The following ANKFY1 variants were observed in gnomAD, a reference collection of about 807,000 sequenced individuals.
The protein encoded by ANKFY1 is ankyrin repeat and FYVE domain-containing protein 1.
ANKFY1 carries 47 observed loss-of-function variants against 128.3 expected under a neutral mutation model. That is an observed-to-expected ratio of 0.37 (90% CI 0.29 to 0.47). The LOEUF (loss-of-function observed/expected upper bound fraction) is 0.47, where lower values mean the gene tolerates loss of function less well. Among genes scored for constraint, ANKFY1 ranks in the 20% least tolerant of loss-of-function variants. The pLI is 1.00. For missense variants in ANKFY1, 1,222 were observed against 1,510.6 expected (o/e 0.81, Z 3.17); for synonymous variants, 553 against 601.6 (o/e 0.92, Z 1.18).
rs984470690 is a variant in ANKFY1, at chr17:4,166,228, C to T, written c.*1551G>A. The T allele has an allele frequency of 2.0e-5, 3 of 152,004 alleles. No homozygotes were observed. Among genetic ancestry groups the T allele is most frequent in the Admixed American group, 1.3e-4 (2 of 15,260 alleles). The allele number at this position is 152,004 out of a possible 1,614,324, so 9.4% of individuals were successfully genotyped here. ...TAGGCAACAGAATGTATAAATCTAC[C>T]GCAATACAGAGGACACACTATCCAG... On this transcript the variant is annotated 3_prime_UTR_variant, in exon 25 of 25. Coordinates refer to ENST00000341657, the MANE Select transcript of ANKFY1 (RefSeq NM_001330063.2).
chr17:4,187,142 C>A, intron 11 of ANKFY1: 1 of 628,800 alleles, frequency 1.6e-6, no homozygotes, highest in Non-Finnish European at 2.3e-6. Flanking sequence ...CTTTTATCCC[C>A]CACCGCCCTC....
At chr17:4,221,584 ACT>A (rs1467858007) in intron 3 of ANKFY1, among the ~76,000 whole-genome samples, 2 of 151,818 alleles carry the variant, frequency 1.3e-5, no homozygotes, top group Non-Finnish European at 1.5e-5. Flanking sequence ...TCCTATTATG[ACT>A]CTGGTTTAAT....
chr17:4,203,672 G>A (rs1470592517), intron 7 of ANKFY1, among the ~76,000 whole-genome samples: 11 of 151,328 alleles, frequency 7.3e-5, no homozygotes, highest in South Asian at 2.1e-4. Flanking sequence ...AAAATTAGCC[G>A]GGCGTGGTGG....
chr17:4,194,846 TA>T, intron 10 of ANKFY1, 131 bp downstream of exon 10: 1 of 855,730 alleles, frequency 1.2e-6, no homozygotes, highest in Non-Finnish European at 1.8e-6. Flanking sequence ...TTACTGTATA[TA>T]AAATTAAGTA....
rs1470412127 is a variant in ANKFY1, at chr17:4,173,432, G to C, written c.2936C>G (p.Ala979Gly). The C allele has an allele frequency of 1.9e-6, 3 of 1,614,132 alleles. No individual in the cohort carries two copies. Among genetic ancestry groups the C allele is most frequent in the Non-Finnish European group, 2.5e-6 (3 of 1,179,952 alleles). ...GTTGTTGAGCCGGCCGTGCATGACAGCAAGATGAAGAGCTGGGAAGTAAAT... is the reference window on the plus strand; with the variant it reads ...GTTGTTGAGCCGGCCGTGCATGACACCAAGATGAAGAGCTGGGAAGTAAAT... ...DENGNNALHL[A>G]VMHGRLNNIR... The change falls in exon 21 of 25, where the codon GCT becomes GGT. Residue 979 changes from alanine (A) to glycine (G), a missense_variant. Coordinates refer to ENST00000341657, the MANE Select transcript of ANKFY1 (RefSeq NM_001330063.2).
At chr17:4,183,996 G>T (rs2059564952) in intron 12 of ANKFY1, 86 bp from the exon 13 acceptor site, 2 of 1,122,114 alleles carry the variant, frequency 1.8e-6, no homozygotes, top group African/African-American at 3.0e-5. Context: ...AACTCAAACT[G>T]CCTGTTGGGT....
chr17:4,254,883 A>G (rs141797991), intron 1 of ANKFY1, among the ~76,000 whole-genome samples: 1 of 152,298 alleles, frequency 6.6e-6, no homozygotes, highest in African/African-American at 2.4e-5. Context: ...ATATTGAAAA[A>G]GTAATATACT....
chr17:4,238,152 T>TAAAAAAAAAAA (rs55944256), intron 2 of ANKFY1, among the ~76,000 whole-genome samples: 1 of 92,668 alleles, frequency 1.1e-5, no homozygotes, highest in Non-Finnish European at 2.1e-5. Flanking sequence ...CTTATTTATT[T>TAAAAAAAAAAA]AAAAAAAAAA....
rs2059226131 is a variant in ANKFY1, at chr17:4,167,209, T to G, written c.*570A>C. The G allele has an allele frequency of 1.3e-5, 2 of 152,666 alleles. No homozygotes were observed. Among genetic ancestry groups the G allele is most frequent in the African/African-American group, 2.4e-5 (1 of 41,456 alleles). The allele number at this position is 152,666 out of a possible 1,614,324, so 9.5% of individuals were successfully genotyped here. On this transcript the variant is annotated 3_prime_UTR_variant, in exon 25 of 25. Transcript: ENST00000341657. This position sits in a 1 kb window ranked among gnomAD's most constrained non-coding sequence, Gnocchi z 4.1. ...TCTTTGAACCCTGTTAAGAAAGATT[T>G]CACCTTTTTAAAAGGGGTAGCTCAC...
intron 10 of ANKFY1, 46 bp downstream of exon 10, chr17:4,194,932 C>T (rs747170363): frequency 7.9e-5 from 126 of 1,598,068 alleles, no homozygotes; most frequent in Non-Finnish European, 9.4e-5. Context: ...CATTTCCTGG[C>T]GCCTGCAGAC....
chr17:4,197,441 C>G lies in ANKFY1; in HGVS notation c.1035G>C (p.Glu345Asp). The G allele has an allele frequency of 1.2e-6, 2 of 1,614,222 alleles. No individual in the cohort carries two copies. Among genetic ancestry groups the G allele is most frequent in the Non-Finnish European group, 8.5e-7 (1 of 1,180,052 alleles). Reference sequence around the variant, plus strand: ...GAAGGGCCTCTGCAATCTGCGCCATCTCAGACATCACATCTGCTGAGTGTT... The same window carrying G: ...GAAGGGCCTCTGCAATCTGCGCCATGTCAGACATCACATCTGCTGAGTGTT... ...SKKHSADVMS[E>D]MAQIAEALLQ... is the part of the protein sequence containing the mutation. Residue 345 changes from glutamate to aspartate, a missense_variant, in exon 8 of 25, where the codon GAG (glutamate) becomes GAC (aspartate). Physicochemically the swap from Glu to Asp is conservative, Grantham distance 45 (BLOSUM62 2). Coordinates refer to ENST00000341657, the MANE Select transcript of ANKFY1 (RefSeq NM_001330063.2).
chr17:4,173,936 C>T lies in ANKFY1; in HGVS notation c.2896G>A (p.Ala966Thr). The T allele has an allele frequency of 6.2e-7, 1 of 1,613,648 alleles. No homozygotes were observed. Among genetic ancestry groups the T allele is most frequent in the Non-Finnish European group, 8.5e-7 (1 of 1,179,654 alleles). ...SVLLENGVDF[A>T]AVDENGNNAL... Reference sequence around the variant, plus strand: ...TTGTTTCCATTCTCATCCACGGCAGCAAAGTCCACGCCATTCTCTAGGAGG... The same window carrying T: ...TTGTTTCCATTCTCATCCACGGCAGTAAAGTCCACGCCATTCTCTAGGAGG... Residue 966 changes from alanine to threonine, a missense_variant, in exon 20 of 25, where the codon GCT becomes ACT. Coordinates refer to ENST00000341657, the MANE Select transcript of ANKFY1 (RefSeq NM_001330063.2).
intron 6 of ANKFY1, among the ~76,000 whole-genome samples, chr17:4,207,178 A>G (rs1239402523): frequency 6.7e-6 from 1 of 150,196 alleles, no homozygotes; most frequent in African/African-American, 2.4e-5. Context: ...AGAGGGCCCG[A>G]TCTATCTAAC....
At chr17:4,188,640 C>T (rs967653796) in intron 11 of ANKFY1, 1 of 152,156 alleles carries the variant, frequency 6.6e-6, no homozygotes, top group Admixed American at 6.5e-5. Flanking sequence ...CAAGCACATC[C>T]TCATGGTCTG....
Position 4,204,702 on chromosome 17 carries a change from A to AT in ANKFY1, c.898+1618dup, listed in dbSNP as rs113259765. Among the ~76,000 whole-genome samples, 927 of 147,664 alleles carry AT rather than the reference A, an allele frequency of 6.3e-3. 3 individuals carry two copies. Among genetic ancestry groups the AT allele is most frequent in the South Asian group, 8.5e-3 (40 of 4,682 alleles). ...GGGAGGAAAGAAACAAAATTCTCAG[A>AT]TTTTTTTTTTTTAGTAACAGGGTAT... On this transcript the variant is annotated intron_variant, in intron 7 of 24. Transcript: ENST00000341657.
intron 1 of ANKFY1, chr17:4,249,214 T>C: frequency 1.5e-6 from 1 of 675,670 alleles, no homozygotes. Flanking sequence ...TTTTAGGCTT[T>C]GGGAGCCATA....
intron 17 of ANKFY1, 48 bp downstream of exon 17, chr17:4,179,673 C>G (rs767865729): frequency 6.2e-7 from 1 of 1,600,038 alleles, no homozygotes; most frequent in South Asian, 1.1e-5. Flanking sequence ...GGAGGCTTCC[C>G]TCATGCTGGG....
Position 4,172,581 on chromosome 17 carries a change from G to C in ANKFY1, c.3114C>G (p.Asp1038Glu), listed in dbSNP as rs2059341393. 2 of 1,613,980 alleles carry C rather than the reference G, an allele frequency of 1.2e-6. No individual in the cohort carries two copies. The highest frequency in any genetic ancestry group is 2.2e-5 in the East Asian group (1 of 44,874). ...CCGTGCTGCCGTCTGCATCCGGCTTGTCCAGAGGATACCCCGGCATGCATT... is the reference window on the plus strand; with the variant it reads ...CCGTGCTGCCGTCTGCATCCGGCTTCTCCAGAGGATACCCCGGCATGCATT... Reference protein sequence around the residue: ...FLECMPGYPLDKPDADGSTVL... With the variant: ...FLECMPGYPLEKPDADGSTVL... Residue 1038 changes from aspartate (D) to glutamate (E), a missense_variant, in exon 22 of 25, where the codon GAC becomes GAG. By Grantham distance (45) the Asp-to-Glu change is conservative. Transcript: ENST00000341657.
intron 22 of ANKFY1, among the ~76,000 whole-genome samples, chr17:4,172,181 G>A (rs2059333583): frequency 6.6e-6 from 1 of 152,170 alleles, no homozygotes; most frequent in Non-Finnish European, 1.5e-5. Context: ...GCCGACACAT[G>A]ATCTAGCACA....
Sources: allele counts gnomAD v4.1 joint callset (sites outside exome capture counted in the v4.1 genomes callset), GRCh38; gene constraint gnomAD v4.1.1; non-coding constraint Gnocchi (gnomAD v3.1); transcripts MANE v1.5; gene names NCBI Gene and HGNC (gene_info 2026-07-23, HGNC 2026-07-21).